Variants in FAM168A observed in about 807,000 individuals in gnomAD.
FAM168A encodes protein FAM168A.
A neutral mutation model predicts 28.5 loss-of-function variants in FAM168A; 3 were observed. The observed-to-expected ratio is 0.11, with a 90% CI of 0.05 to 0.27. The LOEUF (loss-of-function observed/expected upper bound fraction) is 0.27. FAM168A is among the 10% of genes least tolerant of loss of function. The pLI is 1.00. For missense variants in FAM168A, 222 were observed against 311.5 expected (o/e 0.71, Z 2.16); for synonymous variants, 122 against 124.2 (o/e 0.98, Z 0.12).
chr11:73,500,314 A>T (rs1854983413), intron 1 of FAM168A, among the ~76,000 whole-genome samples: 1 of 146,708 alleles, frequency 6.8e-6, no homozygotes, highest in Non-Finnish European at 1.5e-5. Context: ...GCTAGAGTAC[A>T]GTGGCATGAT....
chr11:73,508,753 G>A (rs192637458), intron 1 of FAM168A, among the ~76,000 whole-genome samples: 1 of 152,168 alleles, frequency 6.6e-6, no homozygotes, highest in Admixed American at 6.5e-5. Context: ...ATGACAGGGG[G>A]TACAGCCTCC....
At chr11:73,519,372 T>C (rs917656437) in intron 1 of FAM168A, among the ~76,000 whole-genome samples, 3 of 152,174 alleles carry the variant, frequency 2.0e-5, no homozygotes, top group African/African-American at 2.4e-5. Context: ...GCCCCAGACA[T>C]TGTGTTAGGC....
intron 1 of FAM168A, among the ~76,000 whole-genome samples, chr11:73,501,162 C>T (rs1342725362): frequency 6.6e-6 from 1 of 152,176 alleles, no homozygotes; most frequent in Non-Finnish European, 1.5e-5. Flanking sequence ...AATATATATG[C>T]ATCCAATACA....
intron 1 of FAM168A, among the ~76,000 whole-genome samples, chr11:73,497,265 G>A (rs1027462923): frequency 1.3e-5 from 2 of 152,020 alleles, no homozygotes; most frequent in African/African-American, 2.4e-5. Flanking sequence ...AGGAGATCCA[G>A]ACCATCCTGG....
chr11:73,547,651 G>A (rs1430390821), intron 1 of FAM168A, among the ~76,000 whole-genome samples: 1 of 152,062 alleles, frequency 6.6e-6, no homozygotes, highest in Admixed American at 6.6e-5. Flanking sequence ...TTCAGCCTGG[G>A]CAACAGAGTG....
At chr11:73,572,020 C>T (rs1944097624) in intron 1 of FAM168A, among the ~76,000 whole-genome samples, 1 of 151,782 alleles carries the variant, frequency 6.6e-6, no homozygotes, top group South Asian at 2.1e-4. Context: ...GCCTGGCAGC[C>T]GCCCCATCTG....
intron 1 of FAM168A, among the ~76,000 whole-genome samples, chr11:73,509,432 T>C (rs939036000): frequency 1.3e-5 from 2 of 152,210 alleles, no homozygotes; most frequent in Non-Finnish European, 2.9e-5. Context: ...CACTGCCTTG[T>C]TGAATGTTTT....
intron 1 of FAM168A, among the ~76,000 whole-genome samples, chr11:73,572,839 C>A (rs1285654903): frequency 6.6e-6 from 1 of 151,906 alleles, no homozygotes; most frequent in Non-Finnish European, 1.5e-5. Context: ...CCTGCCAAAT[C>A]CCCCTCTGTG....
chr11:73,593,091 T>C (rs1412013608), intron 1 of FAM168A, among the ~76,000 whole-genome samples: 1 of 152,124 alleles, frequency 6.6e-6, no homozygotes, highest in African/African-American at 2.4e-5. Flanking sequence ...AGGTAAAAAA[T>C]ATACTGTTTA....
At chr11:73,440,716 G>A (rs959370229) in intron 2 of FAM168A, among the ~76,000 whole-genome samples, 2 of 152,122 alleles carry the variant, frequency 1.3e-5, no homozygotes, top group African/African-American at 4.8e-5. Context: ...ATTACAAAGT[G>A]TTTCTTAGAT....
At chr11:73,580,564 A>G in intron 1 of FAM168A, 1 of 543,042 alleles carries the variant, frequency 1.8e-6, no homozygotes, top group Middle Eastern at 6.0e-4. Flanking sequence ...TGGTGACTGT[A>G]CAGTTTGAAA....
At chr11:73,458,824 C>T (rs540836548) in intron 2 of FAM168A, among the ~76,000 whole-genome samples, 2 of 152,248 alleles carry the variant, frequency 1.3e-5, no homozygotes, top group East Asian at 3.9e-4. Context: ...GTTGGCCAGG[C>T]TGGTCTCAAA....
chr11:73,411,475 G>A lies in FAM168A; in HGVS notation c.339C>T (p.Pro113=). ...GATAGGGGTTGGGTGATGGGGAGTA[G>A]GGGGGTGGAGCAGTGTTACTCTGGG... is the stretch of plus-strand genomic sequence containing the variant. ...PPTQSNTAPP[P]YSPSPNPYQT... The change falls in exon 5 of 8, where the codon CCC becomes CCT. Residue 113 remains proline, a synonymous_variant. Transcript: ENST00000356467. 6.2e-7 allele frequency: 1 copy of A among 1,613,418 alleles called. No homozygotes were observed.
chr11:73,524,929 A>G (rs566769578), intron 1 of FAM168A, among the ~76,000 whole-genome samples: 2 of 152,306 alleles, frequency 1.3e-5, no homozygotes, highest in East Asian at 3.9e-4. Context: ...TTAAGTGTTC[A>G]AAAATTATTT....
intron 1 of FAM168A, among the ~76,000 whole-genome samples, chr11:73,547,576 C>T (rs1018764250): frequency 2.0e-5 from 3 of 151,990 alleles, no homozygotes; most frequent in Admixed American, 6.6e-5. Flanking sequence ...GCAGGAGGGT[C>T]GCTTGAGCCC....
intron 1 of FAM168A, among the ~76,000 whole-genome samples, chr11:73,511,783 T>C (rs911940995): frequency 6.6e-6 from 1 of 152,142 alleles, no homozygotes. Flanking sequence ...TCTGTAGTAA[T>C]GTGACTAAGG....
At chr11:73,531,387 C>A (rs1409452362) in intron 1 of FAM168A, among the ~76,000 whole-genome samples, 3 of 152,196 alleles carry the variant, frequency 2.0e-5, no homozygotes, top group Admixed American at 2.0e-4. Flanking sequence ...AGGAGATGAA[C>A]TGCACTGGCT....
intron 1 of FAM168A, among the ~76,000 whole-genome samples, chr11:73,531,031 C>T (rs1052307291): frequency 6.6e-6 from 1 of 152,096 alleles, no homozygotes; most frequent in African/African-American, 2.4e-5. Context: ...TCAGGGGAAC[C>T]TACTATCTAG....
Position 73,434,049 on chromosome 11 carries a change from T to C in FAM168A, c.71-3279A>G, listed in dbSNP as rs188387986. On this transcript the variant is annotated intron_variant, in intron 2 of 7. Coordinates refer to ENST00000356467, the MANE Select transcript of FAM168A (RefSeq NM_015159.3). Reference sequence around the variant, plus strand: ...TTGGTAGAGATGGGGTTTCACCATGTTGGCCAGGATGGTCTTGATCTCTTT... The same window carrying C: ...TTGGTAGAGATGGGGTTTCACCATGCTGGCCAGGATGGTCTTGATCTCTTT... 2.6e-5 allele frequency among the ~76,000 whole-genome samples: 4 copies of C among 152,290 alleles called. No homozygotes were observed. In the East Asian group the frequency reaches 5.8e-4, roughly 22 times the overall value.
Sources: gnomAD v4.1 joint callset for allele counts (sites outside exome capture counted in the v4.1 genomes callset) on GRCh38, gnomAD v4.1.1 for gene constraint, MANE v1.5 for transcripts, NCBI Gene and HGNC (gene_info 2026-07-23, HGNC 2026-07-21) for gene names.